The following MTHFD1 variants were observed in gnomAD, a reference collection of about 807,000 sequenced individuals.
The protein encoded by MTHFD1 is C-1-tetrahydrofolate synthase, cytoplasmic.
Under a neutral mutation model 110.3 loss-of-function variants are expected in MTHFD1, and 44 were observed. That is an observed-to-expected ratio of 0.40 (90% CI 0.31 to 0.51). The LOEUF (loss-of-function observed/expected upper bound fraction) is 0.51, where lower values mean the gene tolerates loss of function less well. Among genes scored for constraint, MTHFD1 ranks in the 20% least tolerant of loss-of-function variants. The probability of loss-of-function intolerance (pLI) is 0.60; values close to 1 mark genes in which losing one functional copy is unlikely to be tolerated. For missense variants in MTHFD1, 909 were observed against 1,173.1 expected (o/e 0.77, Z 3.29); for synonymous variants, 402 against 428.8 (o/e 0.94, Z 0.77).
intron 1 of MTHFD1, among the ~76,000 whole-genome samples, chr14:64,393,780 G>A (rs1371828340): frequency 6.6e-6 from 1 of 152,170 alleles, no homozygotes; most frequent in African/African-American, 2.4e-5. Flanking sequence ...TTTGCATGAA[G>A]AATCTTCTAG....
intron 15 of MTHFD1, 106 bp downstream of exon 15, chr14:64,431,967 A>C: frequency 1.1e-6 from 1 of 934,298 alleles, no homozygotes; most frequent in South Asian, 1.4e-5. Flanking sequence ...AGATGAAGTT[A>C]CATCAGTAAT....
Position 64,395,513 on chromosome 14 carries a change from C to T in MTHFD1, c.42-5280C>T, listed in dbSNP as rs72722383. ...TGTACCAGGACTCCGAAGGTTCTTTCCTCTTTGAGACCTTTTTCTGAATGA... is the reference window on the plus strand; with the variant it reads ...TGTACCAGGACTCCGAAGGTTCTTTTCTCTTTGAGACCTTTTTCTGAATGA... On this transcript the variant is annotated intron_variant, in intron 1 of 27. Transcript: ENST00000652337. Among the ~76,000 whole-genome samples the T allele has an allele frequency of 9.2e-3, 1,396 of 152,288 alleles. 6 individuals carry two copies. Among genetic ancestry groups the T allele is most frequent in the Middle Eastern group, 0.017 (5 of 294 alleles).
At chr14:64,438,780 T>C (rs2078225488) in intron 16 of MTHFD1, among the ~76,000 whole-genome samples, 1 of 152,168 alleles carries the variant, frequency 6.6e-6, no homozygotes, top group African/African-American at 2.4e-5. Context: ...TTTGAAAAAA[T>C]GTAGACTGCT....
chr14:64,448,590 A>G, intron 23 of MTHFD1: 1 of 463,498 alleles, frequency 2.2e-6, no homozygotes. Context: ...TTCCTTTTTC[A>G]TCTTTAGAGG....
At chr14:64,399,656 CAAAAAAA>C (rs34735594) in intron 1 of MTHFD1, among the ~76,000 whole-genome samples, 1 of 113,168 alleles carries the variant, frequency 8.8e-6, no homozygotes, top group East Asian at 2.5e-4. Context: ...GTCCCCATCT[CAAAAAAA>C]AAAAAAAAAA....
intron 2 of MTHFD1, among the ~76,000 whole-genome samples, chr14:64,408,466 T>A (rs2077955769): frequency 6.6e-6 from 1 of 152,106 alleles, no homozygotes; most frequent in Admixed American, 6.5e-5. Context: ...TATTTGTATT[T>A]TTAGTATAGA....
At chr14:64,430,696 G>A (rs1175920630) in intron 13 of MTHFD1, among the ~76,000 whole-genome samples, 2 of 152,128 alleles carry the variant, frequency 1.3e-5, no homozygotes, top group African/African-American at 2.4e-5. Context: ...ACACCTAGGG[G>A]GAAAACAACT....
chr14:64,424,023 C>G (rs150724590), intron 8 of MTHFD1, among the ~76,000 whole-genome samples: 159 of 152,298 alleles, frequency 1.0e-3, no homozygotes, highest in South Asian at 9.9e-3. Context: ...GGCTTCTTGC[C>G]TCCACCTTGG....
At chr14:64,420,252 T>A (rs1241185349) in intron 8 of MTHFD1, among the ~76,000 whole-genome samples, 2 of 152,152 alleles carry the variant, frequency 1.3e-5, no homozygotes, top group African/African-American at 4.8e-5. Flanking sequence ...GCAAAGTTGA[T>A]GGATGGATTT....
chr14:64,447,795 G>C (rs1440890688), intron 22 of MTHFD1, among the ~76,000 whole-genome samples: 3 of 152,098 alleles, frequency 2.0e-5, no homozygotes, highest in Non-Finnish European at 4.4e-5. Flanking sequence ...CTGATGGAAG[G>C]GTCTGTGCTG....
At chr14:64,452,241 G>A (rs1184716400) in intron 24 of MTHFD1, among the ~76,000 whole-genome samples, 1 of 152,242 alleles carries the variant, frequency 6.6e-6, no homozygotes, top group East Asian at 1.9e-4. Flanking sequence ...GTTGCAGTGA[G>A]CTGAGATGAC....
chr14:64,408,380 C>T (rs551844353), intron 2 of MTHFD1, among the ~76,000 whole-genome samples: 2 of 151,864 alleles, frequency 1.3e-5, no homozygotes, highest in African/African-American at 2.4e-5. Context: ...CTTCTGCCCC[C>T]GGGGTTCAAG....
chr14:64,426,323 C>A, intron 11 of MTHFD1, 131 bp downstream of exon 11: 1 of 1,003,680 alleles, frequency 1.0e-6, no homozygotes, highest in Non-Finnish European at 1.5e-6. Context: ...CGTATTTGAT[C>A]TCATTTGATC....
intron 2 of MTHFD1, among the ~76,000 whole-genome samples, chr14:64,402,972 A>C (rs111371435): frequency 6.6e-6 from 1 of 151,932 alleles, no homozygotes; most frequent in African/African-American, 2.4e-5. Flanking sequence ...ATATATATAT[A>C]TTTTTTACTT....
At chr14:64,411,524 A>C (rs1011185388) in intron 3 of MTHFD1, among the ~76,000 whole-genome samples, 9 of 152,236 alleles carry the variant, frequency 5.9e-5, no homozygotes, top group African/African-American at 9.6e-5. Context: ...ATTGAAAAGT[A>C]CACGTTTTCA....
intron 21 of MTHFD1, among the ~76,000 whole-genome samples, chr14:64,443,607 C>T (rs1297081845): frequency 6.6e-6 from 1 of 152,196 alleles, no homozygotes; most frequent in African/African-American, 2.4e-5. Context: ...CCATAACAAC[C>T]CCAGCACCCC....
rs142051299 is a variant in MTHFD1, at chr14:64,444,624, G to A, written c.2137-69G>A. Reference sequence around the variant, plus strand: ...TTGCAGCGTCTTGCCTTTAACACATGAAAAGCACCATTTTAAGCTAGGAGA... The same window carrying A: ...TTGCAGCGTCTTGCCTTTAACACATAAAAAGCACCATTTTAAGCTAGGAGA... On this transcript the variant is annotated intron_variant, in intron 21 of 27. Transcript: ENST00000652337. The A allele has an allele frequency of 3.7e-4, 580 of 1,576,984 alleles. 2 individuals carry two copies. In the African/African-American group the frequency reaches 7.2e-3, roughly 20 times the overall value.
intron 6 of MTHFD1, 104 bp downstream of exon 6, chr14:64,415,843 C>T (rs530306636): frequency 8.7e-7 from 1 of 1,151,396 alleles, no homozygotes; most frequent in East Asian, 2.5e-5. Flanking sequence ...AATAAATGGA[C>T]TTGATTGGCA....
chr14:64,394,752 GTA>G (rs1566551989), intron 1 of MTHFD1, among the ~76,000 whole-genome samples: 1 of 152,084 alleles, frequency 6.6e-6, no homozygotes, highest in Non-Finnish European at 1.5e-5. Context: ...TCCCTCCTTA[GTA>G]AGCAGCCTTT....
Sources: gnomAD v4.1 joint callset for allele counts (sites outside exome capture counted in the v4.1 genomes callset) on GRCh38, gnomAD v4.1.1 for gene constraint, MANE v1.5 for transcripts, NCBI Gene and HGNC (gene_info 2026-07-23, HGNC 2026-07-21) for gene names.